SH3BGRL2: variants seen among roughly 807,000 people sequenced by gnomAD.
SH3BGRL2 encodes SH3 domain binding glutamate rich protein like 2.
In SH3BGRL2, 21 loss-of-function variants were observed where a neutral mutation model predicts 14.8. That is an observed-to-expected ratio of 1.42 (90% CI 1.01 to 2.05). The LOEUF is 2.05. Ranked by LOEUF, SH3BGRL2 falls within the 30% of genes most tolerant of loss-of-function variation. SH3BGRL2 has a pLI of 0.00. For synonymous variants in SH3BGRL2, 50 were observed against 47.8 expected (o/e 1.05, Z -0.19); for missense variants, 147 against 130.8 (o/e 1.12, Z -0.61).
chr6:79,628,595 T>A (rs1187312901), upstream of SH3BGRL2, among the ~76,000 whole-genome samples: 1 of 151,624 alleles, frequency 6.6e-6, no homozygotes, highest in Non-Finnish European at 1.5e-5. Flanking sequence ...TGGACCTCTA[T>A]CTTATATCCT....
At chr6:79,558,763 T>G in the SH3BGRL2 span, among the ~76,000 whole-genome samples, 1 of 151,928 alleles carries the variant, frequency 6.6e-6, no homozygotes, top group Non-Finnish European at 1.5e-5. Context: ...GCATACCTAG[T>G]GCTCAAATGT....
chr6:79,692,843 C>T (rs1315463468), intron 2 of SH3BGRL2, among the ~76,000 whole-genome samples: 2 of 152,126 alleles, frequency 1.3e-5, no homozygotes, highest in African/African-American at 4.8e-5. Context: ...GATGCGGGCT[C>T]TTTTTTGGTT....
At chr6:79,556,797 C>T in the SH3BGRL2 span, among the ~76,000 whole-genome samples, 3 of 151,624 alleles carry the variant, frequency 2.0e-5, no homozygotes, top group East Asian at 1.9e-4. Flanking sequence ...AAAATAATAA[C>T]GTTTGTAAAA....
At chr6:79,667,824 A>G (rs993617009) in intron 1 of SH3BGRL2, among the ~76,000 whole-genome samples, 1 of 152,112 alleles carries the variant, frequency 6.6e-6, no homozygotes, top group Non-Finnish European at 1.5e-5. Flanking sequence ...TAATATCTCC[A>G]AGGCTACCCA....
the SH3BGRL2 span, among the ~76,000 whole-genome samples, chr6:79,609,642 C>T: frequency 1.3e-5 from 2 of 152,162 alleles, no homozygotes; most frequent in Non-Finnish European, 2.9e-5. Flanking sequence ...AGTTCTTTGG[C>T]AGTGGCAATT....
At chr6:79,650,682 G>A (rs948948357) in intron 1 of SH3BGRL2, among the ~76,000 whole-genome samples, 1 of 151,946 alleles carries the variant, frequency 6.6e-6, no homozygotes, top group Admixed American at 6.6e-5. Flanking sequence ...TGGTCAGATT[G>A]GCATCAAGAC....
chr6:79,597,229 CAA>C, the SH3BGRL2 span, among the ~76,000 whole-genome samples: 2 of 147,500 alleles, frequency 1.4e-5, no homozygotes, highest in Non-Finnish European at 1.5e-5. Context: ...ACTCTGTCAA[CAA>C]AAAAAAAGAA....
At chr6:79,693,568 G>A (rs925142813) in intron 2 of SH3BGRL2, among the ~76,000 whole-genome samples, 1 of 151,724 alleles carries the variant, frequency 6.6e-6, no homozygotes, top group East Asian at 1.9e-4. Context: ...TTAGCATGAA[G>A]CGTTGTTGAA....
At chr6:79,576,544 A>G in the SH3BGRL2 span, among the ~76,000 whole-genome samples, 2 of 151,868 alleles carry the variant, frequency 1.3e-5, no homozygotes, top group Non-Finnish European at 2.9e-5. Flanking sequence ...TCAATAGTTT[A>G]TTTTTTCTTG....
At position 79,638,967 on chromosome 6, in the gene SH3BGRL2, A is replaced by G. The variant is rs149710466; in HGVS notation, c.45+7461A>G. 8.1e-3 allele frequency among the ~76,000 whole-genome samples: 1,228 copies of G among 152,318 alleles called. 7 individuals carry two copies. The highest frequency in any genetic ancestry group is 0.017 in the Middle Eastern group (5 of 294). On this transcript the variant is annotated intron_variant, in intron 1 of 3. Transcript: ENST00000369838. ...ATATGAAAAACAAGGTGGTTTGCACATTGCAGGAAGACTCATGTAAGATGG... is the reference window on the plus strand; with the variant it reads ...ATATGAAAAACAAGGTGGTTTGCACGTTGCAGGAAGACTCATGTAAGATGG...
the SH3BGRL2 span, among the ~76,000 whole-genome samples, chr6:79,556,467 C>T: frequency 0.13 from 19,537 of 152,006 alleles, 1,412 homozygotes; most frequent in African/African-American, 0.16. Context: ...GCAGATCCCT[C>T]TTTTATTTCT....
intron 2 of SH3BGRL2, among the ~76,000 whole-genome samples, chr6:79,695,846 G>A (rs1001949387): frequency 6.6e-6 from 1 of 152,164 alleles, no homozygotes; most frequent in Non-Finnish European, 1.5e-5. Flanking sequence ...AGAAACAGTT[G>A]AACAGATTGA....
the SH3BGRL2 span, among the ~76,000 whole-genome samples, chr6:79,551,264 C>T: frequency 2.0e-5 from 3 of 152,148 alleles, no homozygotes; most frequent in Admixed American, 6.5e-5. Flanking sequence ...TATAAAACCT[C>T]ACTCCCAAAT....
intron 1 of SH3BGRL2, among the ~76,000 whole-genome samples, chr6:79,649,210 A>T (rs1769230644): frequency 2.0e-5 from 3 of 152,224 alleles, no homozygotes; most frequent in Non-Finnish European, 4.4e-5. Flanking sequence ...TTTGGCATAG[A>T]GTGAAACAGC....
the SH3BGRL2 span, among the ~76,000 whole-genome samples, chr6:79,563,700 A>T: frequency 6.6e-6 from 1 of 152,196 alleles, no homozygotes; most frequent in Admixed American, 6.5e-5. Context: ...CAGACCCCAG[A>T]TGAAAGCAAA....
At chr6:79,593,532 G>A in the SH3BGRL2 span, among the ~76,000 whole-genome samples, 1 of 152,140 alleles carries the variant, frequency 6.6e-6, no homozygotes, top group African/African-American at 2.4e-5. Flanking sequence ...GCATAGACAT[G>A]GGACCTCTAA....
At chr6:79,601,496 A>G in the SH3BGRL2 span, among the ~76,000 whole-genome samples, 1 of 152,198 alleles carries the variant, frequency 6.6e-6, no homozygotes, top group Non-Finnish European at 1.5e-5. Context: ...TTGCCTGGTG[A>G]GAAGGAGTTT....
the SH3BGRL2 span, among the ~76,000 whole-genome samples, chr6:79,538,352 C>T: frequency 2.0e-5 from 3 of 152,242 alleles, no homozygotes; most frequent in South Asian, 6.2e-4. Context: ...TCCTGCTTCT[C>T]GCTCAACCTC....
At chr6:79,651,450 A>G (rs1410087755) in intron 1 of SH3BGRL2, among the ~76,000 whole-genome samples, 1 of 151,994 alleles carries the variant, frequency 6.6e-6, no homozygotes, top group Non-Finnish European at 1.5e-5. Flanking sequence ...AAATCCAACC[A>G]CCCTCATCTT....
Sources: allele counts gnomAD v4.1 joint callset (sites outside exome capture counted in the v4.1 genomes callset), GRCh38; gene constraint gnomAD v4.1.1; transcripts MANE v1.5; gene names NCBI Gene and HGNC (gene_info 2026-07-23, HGNC 2026-07-21).